Variants in C10orf67 observed in about 807,000 individuals in gnomAD.
C10orf67 encodes uncharacterized protein C10orf67, mitochondrial.
Under a neutral mutation model 35.6 loss-of-function variants are expected in C10orf67, and 60 were observed. The observed-to-expected ratio is 1.68, with a 90% CI of 1.37 to 2.09. The LOEUF is 2.09. Ranked by LOEUF, C10orf67 falls within the 30% of genes most tolerant of loss-of-function variation. The pLI is 0.00. For synonymous variants in C10orf67, 167 were observed against 115.8 expected (o/e 1.44, Z -2.84); for missense variants, 474 against 330.2 (o/e 1.44, Z -3.38).
rs1333321310 is a variant in C10orf67 at position 23,344,711 on chromosome 10, A to C, written c.64T>G (p.Cys22Gly). ...GTCCCCCTCAAGGAGGAGGAAAAGC[A>C]GTGAACCCATCTAATAACTATGCTC... ...VMSIVIRWVHCFSSSLRGTFG... is the reference protein window; with the variant it reads ...VMSIVIRWVHGFSSSLRGTFG... The change falls in exon 1 of 16, where the codon TGC (cysteine) becomes GGC (glycine). Residue 22 changes from cysteine (C) to glycine (G), a missense_variant. By Grantham distance (159) the Cys-to-Gly change is radical. Coordinates refer to ENST00000636213, the MANE Select transcript of C10orf67 (RefSeq NM_001371909.1). 4.4e-6 allele frequency: 7 copies of C among 1,574,428 alleles called. No homozygotes were observed. The highest frequency in any genetic ancestry group is 1.4e-5 in the African/African-American group (1 of 73,990).
intron 5 of C10orf67, among the ~76,000 whole-genome samples, chr10:23,295,392 A>G (rs1426997585): frequency 6.6e-6 from 1 of 152,240 alleles, no homozygotes; most frequent in Non-Finnish European, 1.5e-5. Context: ...TTTCAAGAGT[A>G]TAGGGAGCTG....
chr10:23,250,769 T>A, intron 10 of C10orf67, 78 bp from the exon 11 acceptor site: 1 of 397,254 alleles, frequency 2.5e-6, no homozygotes, highest in Non-Finnish European at 4.4e-6. Context: ...AAAAGACTAT[T>A]TCTATAAATA....
At chr10:23,307,780 C>T (rs971883664) in intron 4 of C10orf67, among the ~76,000 whole-genome samples, 1 of 151,850 alleles carries the variant, frequency 6.6e-6, no homozygotes, top group Non-Finnish European at 1.5e-5. Context: ...CCATGCCTGG[C>T]TAATATGTGT....
rs1841062873 is a variant in C10orf67, at chr10:23,202,994, A to G, written c.*1179T>C. On this transcript the variant is annotated 3_prime_UTR_variant, in exon 16 of 16. Coordinates refer to ENST00000636213, the MANE Select transcript of C10orf67 (RefSeq NM_001371909.1). The stretch of plus-strand genomic sequence containing the variant: ...TCTGGTGAAACTCTGCTGGAAACCA[A>G]CTCACCAGCAATTGCCATTAATCTA... The G allele has an allele frequency of 6.6e-6, 1 of 152,186 alleles. No individual in the cohort carries two copies. The highest frequency in any genetic ancestry group is 2.1e-4 in the South Asian group (1 of 4,822). The allele number at this position is 152,186 out of a possible 1,614,324, so 9.4% of individuals were successfully genotyped here.
intron 4 of C10orf67, chr10:23,318,100 T>TAAAAAAAAA (rs779655068): frequency 2.7e-5 from 1 of 37,054 alleles, no homozygotes; most frequent in African/African-American, 1.1e-4. Flanking sequence ...TCCCTGTCTC[T>TAAAAAAAAA]AAAAAAAAAA....
In C10orf67 at chr10:23,224,748, C is replaced by T. The variant is rs375069407; in HGVS notation, c.1435-930G>A. On this transcript the variant is annotated intron_variant, in intron 13 of 15. Coordinates refer to ENST00000636213, the MANE Select transcript of C10orf67 (RefSeq NM_001371909.1). The stretch of plus-strand genomic sequence containing the variant: ...TGACGAATGCAGAAGCTTTAGTAGC[C>T]GATTCGATCAAATGGAAGAAAAAGT... 2.0e-4 allele frequency among the ~76,000 whole-genome samples: 31 copies of T among 151,990 alleles called. No homozygotes were observed. The South Asian group carries it at 4.4e-3, about 21-fold the overall frequency.
chr10:23,270,522 C>T (rs1323764093), intron 8 of C10orf67, among the ~76,000 whole-genome samples: 1 of 152,196 alleles, frequency 6.6e-6, no homozygotes, highest in East Asian at 1.9e-4. Flanking sequence ...GGCAAGGTGG[C>T]AGATCTGTCT....
At chr10:23,326,545 A>C (rs1845201971) in intron 2 of C10orf67, among the ~76,000 whole-genome samples, 1 of 152,162 alleles carries the variant, frequency 6.6e-6, no homozygotes, top group Non-Finnish European at 1.5e-5. Context: ...CTAGATCTTC[A>C]GGAAATAATA....
At chr10:23,265,274 C>T (rs1019636397) in intron 10 of C10orf67, among the ~76,000 whole-genome samples, 12 of 152,204 alleles carry the variant, frequency 7.9e-5, no homozygotes, top group Admixed American at 6.5e-4. Context: ...AGAGTGGGCA[C>T]GAGAGGTCTG....
intron 4 of C10orf67, among the ~76,000 whole-genome samples, chr10:23,315,017 T>C (rs1035526814): frequency 6.6e-6 from 1 of 152,208 alleles, no homozygotes; most frequent in Non-Finnish European, 1.5e-5. Context: ...AAAAAGTGTA[T>C]ATAGCACTTC....
At chr10:23,270,543 C>T (rs3891382) in intron 8 of C10orf67, among the ~76,000 whole-genome samples, 20,657 of 152,196 alleles carry the variant, frequency 0.14, 2,657 homozygotes, top group East Asian at 0.66. Flanking sequence ...GTACCTTCCC[C>T]GGGGAAGGGG....
chr10:23,250,646 C>T lies in C10orf67; in HGVS notation c.1246G>A (p.Ala416Thr), dbSNP rs1842422988. 2 of 398,494 alleles carry T rather than the reference C, an allele frequency of 5.0e-6. No homozygotes were observed. Among genetic ancestry groups the T allele is most frequent in the Non-Finnish European group, 8.9e-6 (2 of 225,866 alleles). The allele number at this position is 398,494 out of a possible 1,614,324, so 24.7% of individuals were successfully genotyped here. A position where few individuals can be genotyped will look rare whatever the true frequency, so the allele number is the denominator to read the frequency against. Reference protein sequence around the residue: ...GLESQIEALKANLENEKKKVE... With the variant: ...GLESQIEALKTNLENEKKKVE... ...TTCTTTTTCTCATTCTCTAAATTTG[C>T]CTTTAATGCTTCTATTTGAGACTCC... The change falls in exon 11 of 16, where the codon GCA becomes ACA. Residue 416 changes from alanine to threonine, a missense_variant. Transcript: ENST00000636213.
At position 23,247,419 on chromosome 10, in the gene C10orf67, C is replaced by G. The variant is rs551970071; in HGVS notation, c.1346+3036G>C. On this transcript the variant is annotated intron_variant, in intron 12 of 15. Transcript: ENST00000636213. ...TATTCAGTTATAGTCTCATGCTGTG[C>G]AGGTTTGTAGCCTAGGAGCAATAGG... is the stretch of plus-strand genomic sequence containing the variant. Among the ~76,000 whole-genome samples the G allele has an allele frequency of 7.2e-5, 11 of 152,254 alleles. No individual in the cohort carries two copies. In the South Asian group the frequency reaches 2.1e-3, roughly 29 times the overall value.
At chr10:23,255,743 G>A (rs936228016) in intron 10 of C10orf67, among the ~76,000 whole-genome samples, 3 of 152,048 alleles carry the variant, frequency 2.0e-5, no homozygotes, top group Non-Finnish European at 4.4e-5. Context: ...CTGGTAAATT[G>A]ACACGAATTG....
chr10:23,233,664 A>T (rs917062895), intron 13 of C10orf67, among the ~76,000 whole-genome samples: 2 of 152,210 alleles, frequency 1.3e-5, no homozygotes, highest in African/African-American at 4.8e-5. Flanking sequence ...TACAAAGAGT[A>T]AATTAACAAA....
chr10:23,324,539 A>G lies in C10orf67; in HGVS notation c.328-2002T>C, dbSNP rs1845106651. 1.3e-5 allele frequency among the ~76,000 whole-genome samples: 2 copies of G among 152,164 alleles called. 1 individual carries two copies. The highest frequency in any genetic ancestry group is 4.1e-4 in the South Asian group (2 of 4,824). On this transcript the variant is annotated intron_variant, in intron 2 of 15. Coordinates refer to ENST00000636213, the MANE Select transcript of C10orf67 (RefSeq NM_001371909.1). Reference sequence around the variant, plus strand: ...AGACTGATCCCAATCAAGCCATTCTATCTTCTCATCACAGCCCCCTTTGGC... The same window carrying G: ...AGACTGATCCCAATCAAGCCATTCTGTCTTCTCATCACAGCCCCCTTTGGC...
intron 13 of C10orf67, among the ~76,000 whole-genome samples, chr10:23,232,185 G>A (rs1944152952): frequency 6.6e-6 from 1 of 151,924 alleles, no homozygotes; most frequent in African/African-American, 2.4e-5. Context: ...TCATCCTTTT[G>A]TTATTCATGG....
chr10:23,252,248 C>A (rs1454934556), intron 10 of C10orf67, among the ~76,000 whole-genome samples: 1 of 152,080 alleles, frequency 6.6e-6, no homozygotes, highest in Non-Finnish European at 1.5e-5. Context: ...TATTATTCAG[C>A]CTGCCTATTG....
intron 2 of C10orf67, among the ~76,000 whole-genome samples, chr10:23,325,789 T>C (rs1192983752): frequency 6.6e-6 from 1 of 151,826 alleles, no homozygotes; most frequent in Admixed American, 6.6e-5. Context: ...AAAGCAGTTA[T>C]TATAACTATG....
Sources: allele counts gnomAD v4.1 joint callset (sites outside exome capture counted in the v4.1 genomes callset), GRCh38; gene constraint gnomAD v4.1.1; transcripts MANE v1.5; gene names NCBI Gene and HGNC (gene_info 2026-07-23, HGNC 2026-07-21).